IBTK: variants seen among roughly 807,000 people sequenced by gnomAD.
IBTK encodes the protein inhibitor of Bruton tyrosine kinase, also known as BTK-binding protein.
In IBTK, 83 loss-of-function variants were observed where a neutral mutation model predicts 154.9. The observed-to-expected ratio is 0.54, with a 90% CI of 0.45 to 0.64. The LOEUF is 0.64. IBTK is among the 30% of genes least tolerant of loss of function. The pLI is 0.00. For missense variants in IBTK, 1,332 were observed against 1,584.6 expected (o/e 0.84, Z 2.71); for synonymous variants, 515 against 536.1 (o/e 0.96, Z 0.54).
chr6:82,247,530 G>A (rs914242077), intron 1 of IBTK, 32 bp downstream of exon 1: 21 of 398,862 alleles, frequency 5.3e-5, no homozygotes, highest in African/African-American at 2.9e-4. Context: ...AAGCCGCACC[G>A]CACGGTCGGG....
chr6:82,200,368 C>A (rs1339400451), intron 20 of IBTK, 115 bp from the exon 21 acceptor site: 4 of 811,524 alleles, frequency 4.9e-6, no homozygotes, highest in African/African-American at 1.7e-5. Flanking sequence ...TTTACACTTT[C>A]AATGTGTTAG....
chr6:82,203,682 A>C (rs1330826268), intron 17 of IBTK, among the ~76,000 whole-genome samples: 2 of 152,174 alleles, frequency 1.3e-5, no homozygotes, highest in East Asian at 3.9e-4. Context: ...CAAGGAATTA[A>C]TAAAGGCAAC....
intron 2 of IBTK, among the ~76,000 whole-genome samples, chr6:82,238,657 T>C (rs901386984): frequency 6.6e-6 from 1 of 152,046 alleles, no homozygotes; most frequent in African/African-American, 2.4e-5. Flanking sequence ...GCCAGGCTAG[T>C]CTTGAACTCC....
At chr6:82,231,360 T>C (rs1770497536) in intron 4 of IBTK, among the ~76,000 whole-genome samples, 1 of 151,880 alleles carries the variant, frequency 6.6e-6, no homozygotes, top group Non-Finnish European at 1.5e-5. Context: ...ACACTGAGCT[T>C]CAACAACAAA....
At chr6:82,229,173 C>CT (rs1770408929) in intron 4 of IBTK, among the ~76,000 whole-genome samples, 1 of 152,134 alleles carries the variant, frequency 6.6e-6, no homozygotes, top group Non-Finnish European at 1.5e-5. Flanking sequence ...AACCTACCCA[C>CT]TGTGCTTGCT....
intron 2 of IBTK, among the ~76,000 whole-genome samples, chr6:82,235,875 T>G (rs1276376921): frequency 1.3e-5 from 2 of 149,296 alleles, no homozygotes; most frequent in Admixed American, 6.7e-5. Context: ...GTTGTTATTG[T>G]TTTTTTTGGT....
intron 26 of IBTK, among the ~76,000 whole-genome samples, chr6:82,177,642 G>A (rs951891248): frequency 5.9e-5 from 9 of 152,028 alleles, no homozygotes; most frequent in South Asian, 2.1e-4. Flanking sequence ...TTGAAGTCCC[G>A]ACCTCAGGTG....
At chr6:82,198,014 C>T (rs982673994) in intron 21 of IBTK, among the ~76,000 whole-genome samples, 3 of 152,160 alleles carry the variant, frequency 2.0e-5, no homozygotes, top group Non-Finnish European at 2.9e-5. Flanking sequence ...CAGGAAAATA[C>T]GGACCTGGAA....
At chr6:82,181,458 G>A (rs960635206) in intron 26 of IBTK, among the ~76,000 whole-genome samples, 11 of 152,126 alleles carry the variant, frequency 7.2e-5, no homozygotes, top group Non-Finnish European at 1.5e-5. Flanking sequence ...GCACGACCCT[G>A]CTGATATAAA....
At chr6:82,200,435 G>T in intron 20 of IBTK, 152 bp downstream of exon 20, 1 of 781,364 alleles carries the variant, frequency 1.3e-6, no homozygotes, top group Non-Finnish European at 2.0e-6. Flanking sequence ...AAGAATGAGC[G>T]TAACTACCTA....
intron 15 of IBTK, 65 bp downstream of exon 15, chr6:82,211,302 C>T: frequency 1.5e-6 from 2 of 1,291,570 alleles, no homozygotes; most frequent in Non-Finnish European, 1.1e-6. Flanking sequence ...TTCTTTACTA[C>T]ATACTTTGCA....
chr6:82,219,588 A>ATTTTT (rs1770017196), intron 9 of IBTK, among the ~76,000 whole-genome samples: 4 of 137,192 alleles, frequency 2.9e-5, no homozygotes, highest in Non-Finnish European at 6.3e-5. Context: ...CACCCCTCAA[A>ATTTTT]AACAATTTAG....
At chr6:82,198,043 T>C (rs1485645334) in intron 21 of IBTK, among the ~76,000 whole-genome samples, 1 of 152,198 alleles carries the variant, frequency 6.6e-6, no homozygotes, top group African/African-American at 2.4e-5. Flanking sequence ...ACAAATTTTA[T>C]TTCTTTTGGT....
chr6:82,208,300 TG>T (rs201861581), intron 16 of IBTK, among the ~76,000 whole-genome samples: 2 of 151,548 alleles, frequency 1.3e-5, no homozygotes, highest in Non-Finnish European at 2.9e-5. Flanking sequence ...TTAATACGAC[TG>T]GGGGGGGAAT....
chr6:82,200,321 C>T (rs1004533560), intron 20 of IBTK, 68 bp from the exon 21 acceptor site: 3 of 1,109,740 alleles, frequency 2.7e-6, no homozygotes, highest in Admixed American at 1.9e-5. Context: ...ACTTATTTAA[C>T]CCAACATGTT....
At chr6:82,208,849 G>C (rs919238024) in intron 16 of IBTK, among the ~76,000 whole-genome samples, 5 of 152,032 alleles carry the variant, frequency 3.3e-5, no homozygotes, top group Non-Finnish European at 7.4e-5. Flanking sequence ...TATCCCATAA[G>C]GGACTAATAT....
rs932679832 is a variant in IBTK at position 82,181,866 on chromosome 6, T to C, written c.3725+13A>G. On this transcript the variant is annotated intron_variant, in intron 26 of 28. Transcript: ENST00000306270. ...AGGTAGAAAATGTATTAGTTTTAAG[T>C]TTGTTTTATTACCTGACAATTTTTG... The C allele has an allele frequency of 1.1e-5, 17 of 1,531,778 alleles. No individual in the cohort carries two copies. The highest frequency in any genetic ancestry group is 1.4e-5 in the Non-Finnish European group (16 of 1,135,504). The allele number at this position is 1,531,778 out of a possible 1,614,324, so 94.9% of individuals were successfully genotyped here.
At chr6:82,212,850 A>AAC in intron 12 of IBTK, 57 bp from the exon 13 acceptor site, 1 of 1,025,670 alleles carries the variant, frequency 9.7e-7, no homozygotes, top group Non-Finnish European at 1.5e-6. Context: ...ATAAACATAC[A>AAC]ACAAAAAATC....
intron 4 of IBTK, among the ~76,000 whole-genome samples, chr6:82,230,021 C>T (rs922835600): frequency 6.6e-6 from 1 of 152,024 alleles, no homozygotes; most frequent in Non-Finnish European, 1.5e-5. Context: ...ATTTATCATG[C>T]AAACATTTTT....
Sources: allele counts gnomAD v4.1 joint callset (sites outside exome capture counted in the v4.1 genomes callset), GRCh38; gene constraint gnomAD v4.1.1; transcripts MANE v1.5; gene names NCBI Gene and HGNC (gene_info 2026-07-23, HGNC 2026-07-21).